Variants in SNAI1 observed in about 807,000 individuals in gnomAD.
The protein encoded by SNAI1 is zinc finger protein SNAI1.
In SNAI1, 15 loss-of-function variants were observed where a neutral mutation model predicts 24.7. That is an observed-to-expected ratio of 0.61 (90% CI 0.41 to 0.93). The LOEUF is 0.93. SNAI1 is among the 40% of genes least tolerant of loss of function. The pLI is 0.00. For synonymous variants in SNAI1, 163 were observed against 142.9 expected, an observed-to-expected ratio of 1.14 and a Z score of -1.00; for missense variants, 283 against 336.7, an observed-to-expected ratio of 0.84 and a Z score of 1.25.
At chr20:49,985,716 G>A (rs985139120) in intron 2 of SNAI1, among the ~76,000 whole-genome samples, 3 of 152,260 alleles carry the variant, frequency 2.0e-5, no homozygotes, top group Admixed American at 6.5e-5. Context: ...TGGAGCAGGT[G>A]CATGGGGCAG....
Position 49,983,102 on chromosome 20 carries a change from C to A in SNAI1, c.43C>A (p.Arg15=). The A allele has an allele frequency of 1.2e-6, 2 of 1,613,854 alleles. No homozygotes were observed. Among genetic ancestry groups the A allele is most frequent in the Middle Eastern group, 1.6e-4 (1 of 6,062 alleles). Residue 15 remains arginine (R), a synonymous_variant, in exon 1 of 3, where the codon CGG becomes AGG. Coordinates refer to ENST00000244050, the MANE Select transcript of SNAI1 (RefSeq NM_005985.4). ...FLVRKPSDPN[R]KPNYSELQDS... is the part of the protein sequence containing the mutation. The stretch of plus-strand genomic sequence containing the variant: ...CGTCAGGAAGCCCTCCGACCCCAAT[C>A]GGAAGCCTAACTACAGCGAGCTGCA...
intron 1 of SNAI1, 35 bp downstream of exon 1, chr20:49,983,176 G>T (rs1016232200): frequency 1.3e-6 from 2 of 1,543,950 alleles, no homozygotes; most frequent in Non-Finnish European, 8.9e-7. Flanking sequence ...CAGGAGGTTT[G>T]GGGGAGACAG....
At chr20:49,983,399 C>T (rs557119626) in intron 1 of SNAI1, among the ~76,000 whole-genome samples, 33 of 128,216 alleles carry the variant, frequency 2.6e-4, no homozygotes, top group Non-Finnish European at 4.5e-4. Context: ...GGAGGAGCTC[C>T]GCAAGAGGGG....
intron 1 of SNAI1, among the ~76,000 whole-genome samples, 154 bp from the exon 2 acceptor site, chr20:49,983,670 G>A (rs554400026): frequency 5.9e-5 from 9 of 152,024 alleles, no homozygotes; most frequent in Non-Finnish European, 1.0e-4. Flanking sequence ...CCTGGGCGAG[G>A]AGGGCAGGAA....
At chr20:49,984,441 C>T in intron 2 of SNAI1, 90 bp downstream of exon 2, 1 of 1,274,972 alleles carries the variant, frequency 7.8e-7, no homozygotes, top group Non-Finnish European at 1.1e-6. Flanking sequence ...AAGCTGTGGA[C>T]ACTGAGGCCC....
rs1396154505 is a variant in SNAI1 at position 49,983,008 on chromosome 20, G to T, written c.-52G>T. 1.5e-5 allele frequency: 21 copies of T among 1,403,038 alleles called. No individual in the cohort carries two copies. Among genetic ancestry groups the T allele is most frequent in the Non-Finnish European group, 2.1e-5 (21 of 999,930 alleles). 86.9% of individuals were successfully genotyped at this position (1,403,038 alleles called of 1,614,324 possible). ...GCGCCGCGGCACGGCCTAGCGAGTGGTTCTTCTGCGCTACTGCTGCGCGAA... is the reference window on the plus strand; with the variant it reads ...GCGCCGCGGCACGGCCTAGCGAGTGTTTCTTCTGCGCTACTGCTGCGCGAA... On this transcript the variant is annotated 5_prime_UTR_variant, in exon 1 of 3. Coordinates refer to ENST00000244050, the MANE Select transcript of SNAI1 (RefSeq NM_005985.4).
intron 2 of SNAI1, among the ~76,000 whole-genome samples, chr20:49,985,151 G>A (rs1186159956): frequency 2.0e-5 from 3 of 152,100 alleles, no homozygotes; most frequent in Non-Finnish European, 2.9e-5. Context: ...ACACAATCAC[G>A]TCTTTTGAAA....
At chr20:49,983,183 A>G in intron 1 of SNAI1, 42 bp downstream of exon 1, 3 of 1,506,736 alleles carry the variant, frequency 2.0e-6, no homozygotes, top group Non-Finnish European at 2.8e-6. Flanking sequence ...TTTGGGGGAG[A>G]CAGGCGAAGG....
At chr20:49,984,836 C>T (rs2078328997) in intron 2 of SNAI1, among the ~76,000 whole-genome samples, 1 of 152,236 alleles carries the variant, frequency 6.6e-6, no homozygotes, top group African/African-American at 2.4e-5. Context: ...TTTGGGGTTT[C>T]TATACAGGCT....
chr20:49,984,423 C>G, intron 2 of SNAI1, 72 bp downstream of exon 2: 1 of 1,427,502 alleles, frequency 7.0e-7, no homozygotes, highest in Non-Finnish European at 9.4e-7. Context: ...TTGCTGTTCT[C>G]ATTCCCAAAG....
chr20:49,983,008 GTT>G lies in SNAI1; in HGVS notation c.-51_-50del. On this transcript the variant is annotated 5_prime_UTR_variant, in exon 1 of 3. Transcript: ENST00000244050. The stretch of plus-strand genomic sequence containing the variant: ...GCGCCGCGGCACGGCCTAGCGAGTG[GTT>G]CTTCTGCGCTACTGCTGCGCGAATC... 7.1e-7 allele frequency: 1 copy of G among 1,403,148 alleles called. No individual in the cohort carries two copies. The highest frequency in any genetic ancestry group is 1.2e-5 in the South Asian group (1 of 85,698). 86.9% of individuals were successfully genotyped at this position (1,403,148 alleles called of 1,614,324 possible).
At chr20:49,984,564 C>A (rs1393848010) in intron 2 of SNAI1, among the ~76,000 whole-genome samples, 1 of 152,242 alleles carries the variant, frequency 6.6e-6, no homozygotes, top group Non-Finnish European at 1.5e-5. Context: ...TCCCAATCCC[C>A]TGCAGCCTGT....
chr20:49,985,271 T>C (rs2078330352), intron 2 of SNAI1, among the ~76,000 whole-genome samples: 1 of 152,072 alleles, frequency 6.6e-6, no homozygotes, highest in Non-Finnish European at 1.5e-5. Context: ...AGAGTGACAG[T>C]TGAGGGAGAA....
At position 49,983,816 on chromosome 20, in the gene SNAI1, T is replaced by A. The variant is rs1475532061; in HGVS notation, c.83-8T>A. Reference sequence around the variant, plus strand: ...AATTAACGCCTGACTCTGCTTTTTCTCCCTCAGAGTTTACCTTCCAGCAGC... The same window carrying A: ...AATTAACGCCTGACTCTGCTTTTTCACCCTCAGAGTTTACCTTCCAGCAGC... On this transcript the variant is annotated splice_polypyrimidine_tract_variant and splice_region_variant and intron_variant, in intron 1 of 2. Transcript: ENST00000244050. 6.4e-7 allele frequency: 1 copy of A among 1,566,896 alleles called. No individual in the cohort carries two copies. The highest frequency in any genetic ancestry group is 8.6e-7 in the Non-Finnish European group (1 of 1,157,050).
chr20:49,983,039 G>T lies in SNAI1; in HGVS notation c.-21G>T. ...CTGCGCTACTGCTGCGCGAATCGGC[G>T]ACCCCAGTGCCTCGACCACTATGCC... On this transcript the variant is annotated 5_prime_UTR_variant, in exon 1 of 3. Transcript: ENST00000244050. The T allele has an allele frequency of 1.2e-6, 2 of 1,602,078 alleles. No individual in the cohort carries two copies. The highest frequency in any genetic ancestry group is 1.1e-5 in the South Asian group (1 of 90,734).
chr20:49,986,059 C>G (rs1265828091), intron 2 of SNAI1, among the ~76,000 whole-genome samples: 2 of 152,170 alleles, frequency 1.3e-5, no homozygotes, highest in Non-Finnish European at 2.9e-5. Flanking sequence ...TCACCAACAG[C>G]CCTGGGAAGG....
chr20:49,983,837 G>T lies in SNAI1; in HGVS notation c.96G>T (p.Gln32His), dbSNP rs751241861. 6.3e-7 allele frequency: 1 copy of T among 1,592,686 alleles called. No individual in the cohort carries two copies. Among genetic ancestry groups the T allele is most frequent in the Non-Finnish European group, 8.6e-7 (1 of 1,169,426 alleles). The change falls in exon 2 of 3, where the codon CAG (glutamine) becomes CAT (histidine). Residue 32 changes from glutamine (Q) to histidine (H), a missense_variant. Physicochemically the swap from Gln to His is conservative, Grantham distance 24. Transcript: ENST00000244050. ...LQDSNPEFTF[Q>H]QPYDQAHLLA... ...TTTCTCCCTCAGAGTTTACCTTCCA[G>T]CAGCCCTACGACCAGGCCCACCTGC... is the stretch of plus-strand genomic sequence containing the variant.
intron 1 of SNAI1, among the ~76,000 whole-genome samples, 186 bp downstream of exon 1, chr20:49,983,327 G>C (rs1010661837): frequency 7.9e-5 from 12 of 151,866 alleles, no homozygotes; most frequent in African/African-American, 2.9e-4. Context: ...GGGTGGTTGG[G>C]GGAGTGCCGT....
At chr20:49,986,218 T>G (rs1488179155) in intron 2 of SNAI1, among the ~76,000 whole-genome samples, 1 of 152,118 alleles carries the variant, frequency 6.6e-6, no homozygotes, top group African/African-American at 2.4e-5. Flanking sequence ...CCTTCAGGCG[T>G]GGCGTGTGGA....
Sources: gnomAD v4.1 joint callset for allele counts (sites outside exome capture counted in the v4.1 genomes callset) on GRCh38, gnomAD v4.1.1 for gene constraint, MANE v1.5 for transcripts, NCBI Gene and HGNC (gene_info 2026-07-23, HGNC 2026-07-21) for gene names.